RAB11B: variants seen among roughly 807,000 people sequenced by gnomAD.
RAB11B encodes the protein RAB11B, member RAS oncogene family, also known as ras-related protein Rab-11B.
Under a neutral mutation model 23.7 loss-of-function variants are expected in RAB11B, and 7 were observed. That is an observed-to-expected ratio of 0.29 (90% CI 0.17 to 0.55). RAB11B has a LOEUF of 0.55. Among genes scored for constraint, RAB11B ranks in the 20% least tolerant of loss-of-function variants. RAB11B has a pLI of 0.93. For synonymous variants in RAB11B, 138 were observed against 132.0 expected (o/e 1.05, Z -0.31); for missense variants, 189 against 320.0 (o/e 0.59, Z 3.12).
At chr19:8,391,786 C>T (rs1335324820) in intron 1 of RAB11B, among the ~76,000 whole-genome samples, 4 of 151,774 alleles carry the variant, frequency 2.6e-5, no homozygotes, top group South Asian at 2.1e-4. Flanking sequence ...TCTCATCCAG[C>T]GTCTTCTGAT....
At chr19:8,390,680 A>T (rs1334015784) in intron 1 of RAB11B, 2 of 430,006 alleles carry the variant, frequency 4.7e-6, no homozygotes, top group Non-Finnish European at 3.9e-6. Flanking sequence ...GGGACCTAGG[A>T]CGCGCCGGGG....
In RAB11B at chr19:8,402,093, C is replaced by T; in HGVS notation, c.244C>T (p.Arg82Cys). The T allele has an allele frequency of 6.3e-7, 1 of 1,596,604 alleles. No homozygotes were observed. Among genetic ancestry groups the T allele is most frequent in the Non-Finnish European group, 8.5e-7 (1 of 1,171,670 alleles). ...GGGCCCCTGACCCTGCAGGTACTAC[C>T]GTGGTGCAGTGGGCGCCCTGCTGGT... is the stretch of plus-strand genomic sequence containing the variant. ...RYRAITSAYY[R>C]GAVGALLVYD... Residue 82 changes from arginine to cysteine, a missense_variant, in exon 3 of 5, where the codon CGT becomes TGT. Physicochemically the swap from Arg to Cys is radical, Grantham distance 180. Coordinates refer to ENST00000328024, the MANE Select transcript of RAB11B (RefSeq NM_004218.4).
In RAB11B at chr19:8,403,474, G is replaced by A. The variant is rs201470573; in HGVS notation, c.573G>A (p.Pro191=). Residue 191 remains proline, a synonymous_variant, in exon 5 of 5, where the codon CCG becomes CCA. Transcript: ENST00000328024. ...IADRAAHDES[P]GNNVVDISVP... Reference sequence around the variant, plus strand: ...ACCGCGCTGCCCACGACGAGTCCCCGGGGAACAACGTGGTGGACATCAGCG... The same window carrying A: ...ACCGCGCTGCCCACGACGAGTCCCCAGGGAACAACGTGGTGGACATCAGCG... 324 of 1,613,702 alleles carry A rather than the reference G, an allele frequency of 2.0e-4. No homozygotes were observed. The highest frequency in any genetic ancestry group is 6.6e-4 in the Middle Eastern group (4 of 6,078).
chr19:8,402,539 A>T lies in RAB11B; in HGVS notation c.485A>T (p.Glu162Val). ...ETSALDSTNV[E>V]EAFKNILTEI... ...TCAGCCTTGGATTCCACTAACGTAG[A>T]GGAAGCATTCAAGAACATCCTCACA... Residue 162 changes from glutamate to valine, a missense_variant, in exon 4 of 5, where the codon GAG becomes GTG. By Grantham distance (121) the Glu-to-Val change is moderately radical (BLOSUM62 -2). Around this residue, in one of 5 missense-constraint regions of RAB11B, gnomAD observed 122 missense variants for 170.8 expected, o/e 0.71. Transcript: ENST00000328024. 6.2e-7 allele frequency: 1 copy of T among 1,613,900 alleles called. No individual in the cohort carries two copies. The highest frequency in any genetic ancestry group is 1.1e-5 in the South Asian group (1 of 91,088).
chr19:8,392,732 C>T (rs1971367396), intron 1 of RAB11B, among the ~76,000 whole-genome samples: 1 of 127,622 alleles, frequency 7.8e-6, no homozygotes. Flanking sequence ...CTCTAGTCAC[C>T]CAGCCTGGAG....
At chr19:8,401,674 G>C (rs7260302) in intron 2 of RAB11B, among the ~76,000 whole-genome samples, 146,188 of 152,076 alleles carry the variant, frequency 0.96, 70,486 homozygotes, top group East Asian at 1. Context: ...CATGAGCCAC[G>C]ACCCCCGGCC....
rs78448565 is a variant in RAB11B at position 8,396,835 on chromosome 19, C to T, written c.41-3028C>T. On this transcript the variant is annotated intron_variant, in intron 1 of 4. Transcript: ENST00000328024. This position sits in a 1 kb window ranked among gnomAD's most constrained non-coding sequence, Gnocchi z 5.0. ...GAGGAGGGAGGGAGGTGCCCTGGCT[C>T]GGCACTCACGGGCGCTCTCTGGTGG... Among the ~76,000 whole-genome samples the T allele has an allele frequency of 1.4e-3, 209 of 152,090 alleles. 5 individuals are homozygous for T. The East Asian group carries it at 0.038, about 28-fold the overall frequency.
rs1971456901 is a variant in RAB11B at position 8,403,695 on chromosome 19, C to T, written c.*137C>T. Reference sequence around the variant, plus strand: ...TGAGCTCTGCACGGCCGGGCCGGGGCCCAGGAAGGACAGGAGCCAGTGCTA... The same window carrying T: ...TGAGCTCTGCACGGCCGGGCCGGGGTCCAGGAAGGACAGGAGCCAGTGCTA... On this transcript the variant is annotated 3_prime_UTR_variant, in exon 5 of 5. Transcript: ENST00000328024. 4 of 1,279,466 alleles carry T rather than the reference C, an allele frequency of 3.1e-6. No homozygotes were observed. Among genetic ancestry groups the T allele is most frequent in the Non-Finnish European group, 4.2e-6 (4 of 952,640 alleles). 79.3% of individuals were successfully genotyped at this position (1,279,466 alleles called of 1,614,324 possible).
In RAB11B at chr19:8,400,044, C is replaced by T. The variant is rs564081021; in HGVS notation, c.222C>T (p.Arg74=). Residue 74 remains arginine, a synonymous_variant, in exon 2 of 5, where the codon CGC becomes CGT. Coordinates refer to ENST00000328024, the MANE Select transcript of RAB11B (RefSeq NM_004218.4). ...ACACCGCTGGCCAGGAGCGCTACCGCGCCATCACCTCCGCGTGCGTGTCGG... is the reference window on the plus strand; with the variant it reads ...ACACCGCTGGCCAGGAGCGCTACCGTGCCATCACCTCCGCGTGCGTGTCGG... ...IWDTAGQERY[R]AITSAYYRGA... is the part of the protein sequence containing the mutation. The T allele has an allele frequency of 3.4e-5, 55 of 1,612,938 alleles. No homozygotes were observed. The highest frequency in any genetic ancestry group is 2.9e-4 in the South Asian group (26 of 91,060).
intron 1 of RAB11B, among the ~76,000 whole-genome samples, chr19:8,395,381 C>A (rs2145508317): frequency 6.7e-6 from 1 of 148,652 alleles, no homozygotes; most frequent in South Asian, 2.1e-4. Context: ...TCAAATGATT[C>A]TCTTGCCTCA....
chr19:8,401,969 G>A (rs1261343099), intron 2 of RAB11B, 117 bp from the exon 3 acceptor site: 2 of 1,011,710 alleles, frequency 2.0e-6, no homozygotes, highest in Non-Finnish European at 2.8e-6. Flanking sequence ...CACAATGACT[G>A]CCCCTTGGCT....
chr19:8,395,147 TG>T (rs1053556600), intron 1 of RAB11B, among the ~76,000 whole-genome samples: 2 of 152,068 alleles, frequency 1.3e-5, no homozygotes. Context: ...GTGGTGTAGA[TG>T]GGGGCCCTCA....
chr19:8,395,294 G>A (rs1453016243), intron 1 of RAB11B, among the ~76,000 whole-genome samples: 2 of 125,484 alleles, frequency 1.6e-5, no homozygotes, highest in Non-Finnish European at 3.2e-5. Context: ...TTTTTTTTGA[G>A]ATGGAGTCTC....
rs569556993 is a variant in RAB11B at position 8,403,583 on chromosome 19, G to C, written c.*25G>C. 1.8e-5 allele frequency: 29 copies of C among 1,597,048 alleles called. No homozygotes were observed. In the Middle Eastern group the frequency reaches 1.0e-3, roughly 55 times the overall value. ...ACCCCTGCGCCTCCACCCAGCGTGC[G>C]TGCACGTCCTCCGCCCGCCCCCGCC... On this transcript the variant is annotated 3_prime_UTR_variant, in exon 5 of 5. Coordinates refer to ENST00000328024, the MANE Select transcript of RAB11B (RefSeq NM_004218.4).
chr19:8,390,386 A>G lies in RAB11B; in HGVS notation c.-31A>G, dbSNP rs539864495. On this transcript the variant is annotated 5_prime_UTR_variant, in exon 1 of 5. Coordinates refer to ENST00000328024, the MANE Select transcript of RAB11B (RefSeq NM_004218.4). ...TCGGGTGTTTGTGGTGGGGCTGCGG[A>G]GTCGCCGATCCCGCCGGAAGCGCCA... 1.6e-5 allele frequency: 25 copies of G among 1,526,148 alleles called. No individual in the cohort carries two copies. The highest frequency in any genetic ancestry group is 1.7e-4 in the Middle Eastern group (1 of 5,796). 94.5% of individuals were successfully genotyped at this position (1,526,148 alleles called of 1,614,324 possible). A position where few individuals can be genotyped will look rare whatever the true frequency, so the allele number is the denominator to read the frequency against.
At chr19:8,390,618 C>A in intron 1 of RAB11B, 162 bp downstream of exon 1, 1 of 723,606 alleles carries the variant, frequency 1.4e-6, no homozygotes, top group South Asian at 5.3e-5. Context: ...GCAGCATCAG[C>A]TTCGGGCTAG....
At chr19:8,397,734 G>A (rs1358082982) in intron 1 of RAB11B, among the ~76,000 whole-genome samples, 1 of 152,054 alleles carries the variant, frequency 6.6e-6, no homozygotes, top group Non-Finnish European at 1.5e-5. Flanking sequence ...TGGGCTCCAG[G>A]GCCTGCTCCC....
At chr19:8,401,567 A>G (rs1236187705) in intron 2 of RAB11B, among the ~76,000 whole-genome samples, 7 of 149,796 alleles carry the variant, frequency 4.7e-5, no homozygotes, top group African/African-American at 1.7e-4. Context: ...TTGTATTTTT[A>G]GTAGAGATGG....
In RAB11B at chr19:8,394,907, G is replaced by A. The variant is rs529065459; in HGVS notation, c.40+4451G>A. Among the ~76,000 whole-genome samples, 76 of 152,342 alleles carry A rather than the reference G, an allele frequency of 5.0e-4. 2 individuals are homozygous for A. The highest frequency in any genetic ancestry group is 1.8e-3 in the African/African-American group (74 of 41,582). ...ATTGTGTCAGTGCACTCCAGCCTGG[G>A]CGAGGGAGATTCCATCTCAATACAA... is the stretch of plus-strand genomic sequence containing the variant. On this transcript the variant is annotated intron_variant, in intron 1 of 4. Transcript: ENST00000328024.
Sources: gnomAD v4.1 joint callset for allele counts (sites outside exome capture counted in the v4.1 genomes callset) on GRCh38, gnomAD v4.1.1 for gene constraint, gnomAD v4.1.1 regional missense constraint, Gnocchi (gnomAD v3.1) non-coding constraint, MANE v1.5 for transcripts, NCBI Gene and HGNC (gene_info 2026-07-23, HGNC 2026-07-21) for gene names.